Variants in WSCD2 observed in about 807,000 individuals in gnomAD.
WSCD2 encodes the protein sialate:O-sulfotransferase 2.
A neutral mutation model predicts 55.7 loss-of-function variants in WSCD2; 28 were observed. That is an observed-to-expected ratio of 0.50 (90% CI 0.37 to 0.69). The LOEUF is 0.69. WSCD2 is among the 30% of genes least tolerant of loss of function. The pLI, the probability that WSCD2 is intolerant of heterozygous loss-of-function variation, is 0.00. For synonymous variants in WSCD2, 301 were observed against 301.9 expected, an observed-to-expected ratio of 1.00 and a Z score of 0.03; for missense variants, 616 against 762.1, an observed-to-expected ratio of 0.81 and a Z score of 2.26.
At chr12:108,240,983 A>G (rs1445461070) in intron 8 of WSCD2, among the ~76,000 whole-genome samples, 2 of 152,184 alleles carry the variant, frequency 1.3e-5, no homozygotes, top group African/African-American at 4.8e-5. Flanking sequence ...GGAGATGCTC[A>G]TGAAATCGAT....
At chr12:108,209,026 G>C (rs576221526) in intron 3 of WSCD2, among the ~76,000 whole-genome samples, 2 of 152,204 alleles carry the variant, frequency 1.3e-5, no homozygotes, top group East Asian at 3.9e-4. Flanking sequence ...CTCTTTTATG[G>C]GTTTTCCTGA....
chr12:108,134,087 C>A (rs1875909109), intron 1 of WSCD2, among the ~76,000 whole-genome samples: 1 of 152,132 alleles, frequency 6.6e-6, no homozygotes, highest in African/African-American at 2.4e-5. Flanking sequence ...TGCTTAGGGG[C>A]CTTCTAGACT....
intron 1 of WSCD2, among the ~76,000 whole-genome samples, chr12:108,141,540 T>G (rs972601552): frequency 6.6e-6 from 1 of 152,316 alleles, no homozygotes; most frequent in African/African-American, 2.4e-5. Flanking sequence ...CTGCCCATAT[T>G]CCTTGGTTCA....
In WSCD2 at chr12:108,232,753, G is replaced by T. The variant is rs777874169; in HGVS notation, c.1002G>T (p.Arg334Ser). 3.3e-5 allele frequency: 53 copies of T among 1,613,324 alleles called. 1 individual carries two copies. The Admixed American group carries it at 8.8e-4, about 27-fold the overall frequency. Residue 334 changes from arginine (R) to serine (S), a missense_variant, in exon 7 of 9, where the codon AGG becomes AGT. Around this residue, in one of 3 missense-constraint regions of WSCD2, gnomAD observed 374 missense variants for 467.4 expected, o/e 0.80. Transcript: ENST00000547525. ...QVQDNRCMDR[R>S]FLPGKSKQLI... ...CAGACAACCGTTGCATGGACAGAAG[G>T]TTCCTGCCAGGCAAGTCCAAGCAGC...
At chr12:108,146,100 G>A (rs530322228) in intron 1 of WSCD2, among the ~76,000 whole-genome samples, 3 of 152,370 alleles carry the variant, frequency 2.0e-5, no homozygotes, top group Admixed American at 2.0e-4. Context: ...GGAGTTACAT[G>A]GGGTGTGCAT....
chr12:108,206,341 A>G lies in WSCD2; in HGVS notation c.435A>G (p.Gly145=). Reference sequence around the variant, plus strand: ...ACACCCAGAGTCGGGCCCTTCGAGGAGTGTCCTTTTTTGACTACAAAAAGA... The same window carrying G: ...ACACCCAGAGTCGGGCCCTTCGAGGGGTGTCCTTTTTTGACTACAAAAAGA... ...LDDTQSRALR[G]VSFFDYKKMT... is the part of the protein sequence containing the mutation. The change falls in exon 3 of 9, where the codon GGA becomes GGG. Residue 145 remains glycine, a synonymous_variant. Coordinates refer to ENST00000547525, the MANE Select transcript of WSCD2 (RefSeq NM_014653.4). The G allele has an allele frequency of 6.2e-7, 1 of 1,614,196 alleles. No individual in the cohort carries two copies. Among genetic ancestry groups the G allele is most frequent in the Non-Finnish European group, 8.5e-7 (1 of 1,180,032 alleles).
chr12:108,154,785 G>C (rs559310825), intron 1 of WSCD2, among the ~76,000 whole-genome samples: 1 of 152,180 alleles, frequency 6.6e-6, no homozygotes, highest in Admixed American at 6.5e-5. Flanking sequence ...TCCCAGAGCT[G>C]CATATTTTTC....
chr12:108,150,215 C>T (rs1341881136), intron 1 of WSCD2, among the ~76,000 whole-genome samples: 1 of 152,140 alleles, frequency 6.6e-6, no homozygotes, highest in Admixed American at 6.5e-5. Context: ...GTGGCAGAAC[C>T]AGGGTTTGAA....
In WSCD2 at chr12:108,240,439, G is replaced by A. The variant is rs761428246; in HGVS notation, c.1240G>A (p.Ala414Thr). ...GAAAGAGATCGAGGCCTTCGACGCC[G>A]CCATCCTGCTCATCCGCAACCCCTA... The part of the protein sequence containing the change: ...GQKEIEAFDA[A>T]ILLIRNPYKA... The change falls in exon 8 of 9, where the codon GCC becomes ACC. Residue 414 changes from alanine (A) to threonine (T), a missense_variant. Around this residue, in one of 3 missense-constraint regions of WSCD2, gnomAD observed 234 missense variants for 264.6 expected, o/e 0.88. Transcript: ENST00000547525. 1 of 1,614,058 alleles carries A rather than the reference G, an allele frequency of 6.2e-7. No homozygotes were observed. Among genetic ancestry groups the A allele is most frequent in the Admixed American group, 1.7e-5 (1 of 60,024 alleles).
At chr12:108,140,888 G>A (rs897325954) in intron 1 of WSCD2, among the ~76,000 whole-genome samples, 4 of 152,318 alleles carry the variant, frequency 2.6e-5, no homozygotes, top group East Asian at 3.9e-4. Context: ...GGACTAGAAC[G>A]TGGGCCTTTC....
intron 2 of WSCD2, among the ~76,000 whole-genome samples, chr12:108,205,297 T>C (rs1885208717): frequency 6.6e-6 from 1 of 152,192 alleles, no homozygotes; most frequent in Non-Finnish European, 1.5e-5. Context: ...CGGGCCCTTT[T>C]CTCTTCTGTA....
At chr12:108,157,965 G>A (rs1190453421) in intron 1 of WSCD2, among the ~76,000 whole-genome samples, 1 of 152,090 alleles carries the variant, frequency 6.6e-6, no homozygotes, top group Admixed American at 6.6e-5. Context: ...TAACTTGTAG[G>A]AGGCTCCTCT....
intron 7 of WSCD2, among the ~76,000 whole-genome samples, chr12:108,239,563 A>G (rs1426372): frequency 0.99 from 151,212 of 152,276 alleles, 75,074 homozygotes; most frequent in Middle Eastern, 1. Flanking sequence ...AGACTGTGCT[A>G]AAGACCTACT....
chr12:108,225,801 G>A (rs904873500), intron 5 of WSCD2, among the ~76,000 whole-genome samples: 1 of 152,182 alleles, frequency 6.6e-6, no homozygotes, highest in African/African-American at 2.4e-5. Flanking sequence ...GGCACTCAGC[G>A]ATGTCCAAGT....
At chr12:108,185,270 A>G (rs1775204800) in intron 1 of WSCD2, among the ~76,000 whole-genome samples, 1 of 152,134 alleles carries the variant, frequency 6.6e-6, no homozygotes, top group African/African-American at 2.4e-5. Context: ...TCCTCAATGT[A>G]TTATTTAGGA....
chr12:108,208,542 C>A (rs1885718853), intron 3 of WSCD2, among the ~76,000 whole-genome samples: 2 of 152,034 alleles, frequency 1.3e-5, no homozygotes, highest in African/African-American at 2.4e-5. Context: ...TAGGAGTTTT[C>A]TAGGTAGGGC....
intron 7 of WSCD2, among the ~76,000 whole-genome samples, chr12:108,238,569 C>T (rs1239317296): frequency 6.6e-6 from 1 of 152,234 alleles, no homozygotes; most frequent in Non-Finnish European, 1.5e-5. Flanking sequence ...TCTTATTCTG[C>T]ATTAGCTGCC....
intron 4 of WSCD2, among the ~76,000 whole-genome samples, chr12:108,221,261 T>C (rs1020004607): frequency 6.6e-6 from 1 of 152,114 alleles, no homozygotes; most frequent in African/African-American, 2.4e-5. Flanking sequence ...TTAGCTCAAA[T>C]GCCCACTTTC....
chr12:108,164,464 A>G (rs1879416249), intron 1 of WSCD2, among the ~76,000 whole-genome samples: 1 of 151,884 alleles, frequency 6.6e-6, no homozygotes, highest in South Asian at 2.1e-4. Context: ...TTTATTCACG[A>G]TGTCACATAT....
Sources: allele counts gnomAD v4.1 joint callset (sites outside exome capture counted in the v4.1 genomes callset), GRCh38; gene constraint gnomAD v4.1.1; regional missense constraint gnomAD v4.1.1; transcripts MANE v1.5; gene names NCBI Gene and HGNC (gene_info 2026-07-23, HGNC 2026-07-21).